MTUS2: variants seen among roughly 807,000 people sequenced by gnomAD.
The protein encoded by MTUS2 is microtubule associated scaffold protein 2.
MTUS2 carries 40 observed loss-of-function variants against 114.1 expected under a neutral mutation model. The ratio of observed to expected loss-of-function variants is 0.35; its 90% confidence interval spans 0.27 to 0.46. The LOEUF is 0.46. Among genes scored for constraint, MTUS2 ranks in the 20% least tolerant of loss-of-function variants. The pLI is 1.00. For synonymous variants in MTUS2, 688 were observed against 672.0 expected, an observed-to-expected ratio of 1.02 and a Z score of -0.37; for missense variants, 1,679 against 1,705.4, an observed-to-expected ratio of 0.98 and a Z score of 0.27.
intron 5 of MTUS2, among the ~76,000 whole-genome samples, chr13:29,174,480 C>T (rs1271554981): frequency 2.0e-5 from 3 of 152,250 alleles, no homozygotes; most frequent in Middle Eastern, 3.4e-3. Context: ...TACTGAATTA[C>T]GGAATTTGAA....
At chr13:29,424,855 T>C (rs1876390705) in intron 8 of MTUS2, among the ~76,000 whole-genome samples, 1 of 152,058 alleles carries the variant, frequency 6.6e-6, no homozygotes, top group African/African-American at 2.4e-5. Context: ...GGGGTGGGGA[T>C]TGCTGTTCAT....
At chr13:29,164,792 A>T (rs1385938212) in intron 5 of MTUS2, among the ~76,000 whole-genome samples, 1 of 152,236 alleles carries the variant, frequency 6.6e-6, no homozygotes, top group Admixed American at 6.5e-5. Flanking sequence ...AGTGGGAAAT[A>T]ATTTCTGTCC....
At chr13:28,931,517 C>G (rs1022004184) in intron 2 of MTUS2, among the ~76,000 whole-genome samples, 2 of 152,144 alleles carry the variant, frequency 1.3e-5, no homozygotes, top group Non-Finnish European at 2.9e-5. Context: ...GTGCCTGCTT[C>G]CCCTTCCACC....
chr13:29,223,689 G>A (rs982923466), intron 5 of MTUS2, among the ~76,000 whole-genome samples: 1 of 152,234 alleles, frequency 6.6e-6, no homozygotes, highest in African/African-American at 2.4e-5. Context: ...CAAAAGAACT[G>A]TAACACAAAC....
chr13:29,220,239 G>T (rs1895855991), intron 5 of MTUS2, among the ~76,000 whole-genome samples: 1 of 152,074 alleles, frequency 6.6e-6, no homozygotes, highest in Non-Finnish European at 1.5e-5. Flanking sequence ...GACCTCAGAT[G>T]ATCTGGCCAC....
intron 9 of MTUS2, among the ~76,000 whole-genome samples, chr13:29,458,386 A>G (rs1347560274): frequency 6.6e-6 from 1 of 152,250 alleles, no homozygotes; most frequent in Non-Finnish European, 1.5e-5. Context: ...TCTGTTCCGC[A>G]TAAAAGTATT....
At chr13:29,332,728 G>A (rs1313958344) in intron 7 of MTUS2, among the ~76,000 whole-genome samples, 1 of 150,502 alleles carries the variant, frequency 6.6e-6, no homozygotes, top group Admixed American at 6.6e-5. Flanking sequence ...TCCACCTCCT[G>A]GGTTCATGCC....
chr13:29,247,481 C>T (rs926268863), intron 5 of MTUS2, among the ~76,000 whole-genome samples: 3 of 152,076 alleles, frequency 2.0e-5, no homozygotes, highest in African/African-American at 7.2e-5. Flanking sequence ...CCCACAGAGT[C>T]GGAGAAAATC....
At chr13:29,346,524 G>A (rs1012881890) in intron 7 of MTUS2, among the ~76,000 whole-genome samples, 9 of 148,770 alleles carry the variant, frequency 6.0e-5, no homozygotes, top group Admixed American at 6.0e-4. Context: ...TGCCCATACA[G>A]CCAGCAACGC....
chr13:28,910,190 C>G (rs1284391996), intron 2 of MTUS2, among the ~76,000 whole-genome samples: 2 of 152,132 alleles, frequency 1.3e-5, no homozygotes, highest in Non-Finnish European at 2.9e-5. Flanking sequence ...GTTACCCTTC[C>G]CAGCCTCTGG....
chr13:29,405,743 CT>C lies in MTUS2; in HGVS notation c.3118-34225del, dbSNP rs35738274. 2.6e-3 allele frequency among the ~76,000 whole-genome samples: 363 copies of C among 141,904 alleles called. 1 individual carries two copies. Among genetic ancestry groups the C allele is most frequent in the African/African-American group, 8.7e-3 (334 of 38,200 alleles). 93.1% of individuals were successfully genotyped at this position (141,904 alleles called of 152,430 possible). A position where few individuals can be genotyped will look rare whatever the true frequency, so the allele number is the denominator to read the frequency against. On this transcript the variant is annotated intron_variant, in intron 8 of 15. Coordinates refer to ENST00000612955, the MANE Select transcript of MTUS2 (RefSeq NM_001033602.4). ...ATGACGACCATGGGCTAATTAACTACTTTTTTTTTTTTTTTGAGACTGAGTC... is the reference window on the plus strand; with the variant it reads ...ATGACGACCATGGGCTAATTAACTACTTTTTTTTTTTTTTGAGACTGAGTC...
At chr13:29,465,265 C>T (rs60663785) in intron 9 of MTUS2, among the ~76,000 whole-genome samples, 11,806 of 152,166 alleles carry the variant, frequency 0.078, 1,473 homozygotes, top group African/African-American at 0.27. Flanking sequence ...TTAAACCTCA[C>T]GGTAGCCCTA....
intron 5 of MTUS2, among the ~76,000 whole-genome samples, chr13:29,238,969 A>T (rs1896635803): frequency 1.3e-5 from 2 of 152,128 alleles, no homozygotes; most frequent in African/African-American, 2.4e-5. Context: ...GTAAATGGGG[A>T]GATCTTGGTC....
intron 2 of MTUS2, among the ~76,000 whole-genome samples, chr13:28,935,066 T>C (rs1243718953): frequency 1.4e-5 from 2 of 143,252 alleles, no homozygotes; most frequent in Admixed American, 7.1e-5. Flanking sequence ...GATGTAATCA[T>C]TGATCAGGTG....
intron 5 of MTUS2, among the ~76,000 whole-genome samples, chr13:29,228,902 A>G (rs899989839): frequency 6.6e-6 from 1 of 152,146 alleles, no homozygotes; most frequent in African/African-American, 2.4e-5. Context: ...ACCCATAACA[A>G]CATAGCTCTG....
intron 2 of MTUS2, among the ~76,000 whole-genome samples, chr13:28,979,078 A>G (rs1362840507): frequency 2.0e-5 from 3 of 152,258 alleles, no homozygotes; most frequent in African/African-American, 7.2e-5. Context: ...AAAGAGTTCC[A>G]GTGAACATTT....
chr13:29,106,797 A>G lies in MTUS2; in HGVS notation c.2644+5827A>G, dbSNP rs537952330. 2.8e-3 allele frequency among the ~76,000 whole-genome samples: 421 copies of G among 152,232 alleles called. 1 individual carries two copies. The highest frequency in any genetic ancestry group is 4.7e-3 in the Non-Finnish European group (319 of 68,020). On this transcript the variant is annotated intron_variant, in intron 5 of 15. Transcript: ENST00000612955. ...GCAGTGCTTTCTAATCCACAAGCACATGGTCCTTGGTAATTTTCCCTTTGA... is the reference window on the plus strand; with the variant it reads ...GCAGTGCTTTCTAATCCACAAGCACGTGGTCCTTGGTAATTTTCCCTTTGA...
chr13:28,956,343 CGCCT>C (rs1244217548), intron 2 of MTUS2, among the ~76,000 whole-genome samples: 1 of 152,094 alleles, frequency 6.6e-6, no homozygotes, highest in Non-Finnish European at 1.5e-5. Flanking sequence ...TTAAGGTTCT[CGCCT>C]GCCACAGGTT....
At chr13:29,007,876 G>A (rs1019883769) in intron 2 of MTUS2, among the ~76,000 whole-genome samples, 2 of 152,112 alleles carry the variant, frequency 1.3e-5, no homozygotes, top group Admixed American at 6.6e-5. Flanking sequence ...GTTAAGTTTT[G>A]GGGGAATCAA....
Sources: allele counts gnomAD v4.1 joint callset (sites outside exome capture counted in the v4.1 genomes callset), GRCh38; gene constraint gnomAD v4.1.1; transcripts MANE v1.5; gene names NCBI Gene and HGNC (gene_info 2026-07-23, HGNC 2026-07-21).